The following PGAP2 variants were observed in gnomAD, a reference collection of about 807,000 sequenced individuals.
PGAP2 encodes the protein acyltransferase PGAP2.
A neutral mutation model predicts 33.2 loss-of-function variants in PGAP2; 21 were observed. The ratio of observed to expected loss-of-function variants is 0.63; its 90% confidence interval spans 0.45 to 0.91. The LOEUF is 0.91. Among genes scored for constraint, PGAP2 ranks in the 40% least tolerant of loss-of-function variants. The probability of loss-of-function intolerance (pLI) is 0.00; values close to 1 mark genes in which losing one functional copy is unlikely to be tolerated. For synonymous variants in PGAP2, 161 were observed against 172.9 expected, an observed-to-expected ratio of 0.93 and a Z score of 0.54; for missense variants, 345 against 424.0, an observed-to-expected ratio of 0.81 and a Z score of 1.64.
chr11:3,814,083 G>A (rs1217211475), intron 2 of PGAP2, among the ~76,000 whole-genome samples: 1 of 152,134 alleles, frequency 6.6e-6, no homozygotes, highest in Non-Finnish European at 1.5e-5. Flanking sequence ...CCCACTCAGA[G>A]TATCCCAGAA....
At chr11:3,808,411 C>G, upstream of PGAP2, 6 of 1,546,356 alleles carry the variant, frequency 3.9e-6, no homozygotes, top group Non-Finnish European at 5.2e-6. Context: ...GGGGGCAGAC[C>G]CGGGCTGTAA....
Position 3,825,723 on chromosome 11 carries a change from TA to T in PGAP2, c.*276del, listed in dbSNP as rs35179044. The stretch of plus-strand genomic sequence containing the variant: ...GGCAGAGAGCTCCACCATTTGGTGC[TA>T]AAAAAAAAAACGTCCTGAGGTTCAT... On this transcript the variant is annotated 3_prime_UTR_variant, in exon 7 of 7. Transcript: ENST00000278243. 1,567 of 207,004 alleles carry T rather than the reference TA, an allele frequency of 7.6e-3. No homozygotes were observed. The highest frequency in any genetic ancestry group is 0.016 in the South Asian group (221 of 13,408). 12.8% of individuals were successfully genotyped at this position (207,004 alleles called of 1,614,324 possible). A position where few individuals can be genotyped will look rare whatever the true frequency, so the allele number is the denominator to read the frequency against.
chr11:3,819,268 G>A (rs2087919691), intron 3 of PGAP2, among the ~76,000 whole-genome samples: 1 of 152,016 alleles, frequency 6.6e-6, no homozygotes, highest in Non-Finnish European at 1.5e-5. Flanking sequence ...TGTGTAGGCT[G>A]GAGATTTGTG....
intron 3 of PGAP2, among the ~76,000 whole-genome samples, chr11:3,822,141 G>T (rs1344562581): frequency 6.6e-6 from 1 of 152,068 alleles, no homozygotes; most frequent in Non-Finnish European, 1.5e-5. Flanking sequence ...GAGGTGGGCG[G>T]ATCACGAGGT....
At chr11:3,822,608 T>C (rs998059274) in intron 3 of PGAP2, among the ~76,000 whole-genome samples, 4 of 152,140 alleles carry the variant, frequency 2.6e-5, no homozygotes, top group African/African-American at 9.7e-5. Flanking sequence ...CACTCCAGCC[T>C]AGGCGACAGA....
rs371013671 is a variant in PGAP2 at position 3,812,061 on chromosome 11, C to T, written c.165+637C>T. On this transcript the variant is annotated intron_variant, in intron 2 of 6. Coordinates refer to ENST00000278243, the MANE Select transcript of PGAP2 (RefSeq NM_014489.4). ...TGTGTATGTGTCCTGGGGTGAGTCC[C>T]GTGGCCTCTAAGATTCCATAGATGT... Among the ~76,000 whole-genome samples the T allele has an allele frequency of 1.2e-4, 18 of 151,976 alleles. 2 individuals carry two copies. Among genetic ancestry groups the T allele is most frequent in the East Asian group, 7.8e-4 (4 of 5,146 alleles).
In PGAP2 at chr11:3,824,825, G is replaced by A. The variant is rs866375179; in HGVS notation, c.709-195G>A. Reference sequence around the variant, plus strand: ...AGCGGCAGGAATACCACTGCTCCTCGGCCCATCACTCCCCCAGAGGCAGGG... The same window carrying A: ...AGCGGCAGGAATACCACTGCTCCTCAGCCCATCACTCCCCCAGAGGCAGGG... On this transcript the variant is annotated intron_variant, in intron 5 of 6. Transcript: ENST00000278243. 4.5e-5 allele frequency: 64 copies of A among 1,435,656 alleles called. No homozygotes were observed. The African/African-American group carries it at 7.5e-4, about 17-fold the overall frequency. The allele number at this position is 1,435,656 out of a possible 1,614,324, so 88.9% of individuals were successfully genotyped here. A position where few individuals can be genotyped will look rare whatever the true frequency, so the allele number is the denominator to read the frequency against.
rs2089947645 is a variant in PGAP2, at chr11:3,825,876, A to G, written c.*418A>G. The stretch of plus-strand genomic sequence containing the variant: ...CGGGGGTCATTCATAGGACTAATGT[A>G]TTTCATGATCTACTGTGCACATCCA... On this transcript the variant is annotated 3_prime_UTR_variant, in exon 7 of 7. Transcript: ENST00000278243. 1.1e-5 allele frequency: 2 copies of G among 180,616 alleles called. No homozygotes were observed. Among genetic ancestry groups the G allele is most frequent in the South Asian group, 2.1e-4 (2 of 9,500 alleles). 11.2% of individuals were successfully genotyped at this position (180,616 alleles called of 1,614,324 possible).
At chr11:3,814,816 T>TTCTTTC (rs1565013308) in intron 2 of PGAP2, among the ~76,000 whole-genome samples, 232 of 117,782 alleles carry the variant, frequency 2.0e-3, no homozygotes, top group East Asian at 7.1e-3. Flanking sequence ...TTCTTTCTCT[T>TTCTTTC]TCTTTCTTTT....
At position 3,825,589 on chromosome 11, in the gene PGAP2, T is replaced by C; in HGVS notation, c.*131T>C. 9.8e-7 allele frequency: 1 copy of C among 1,015,846 alleles called. No homozygotes were observed. Among genetic ancestry groups the C allele is most frequent in the Non-Finnish European group, 1.4e-6 (1 of 699,108 alleles). The allele number at this position is 1,015,846 out of a possible 1,614,324, so 62.9% of individuals were successfully genotyped here. A position where few individuals can be genotyped will look rare whatever the true frequency, so the allele number is the denominator to read the frequency against. On this transcript the variant is annotated 3_prime_UTR_variant, in exon 7 of 7. Coordinates refer to ENST00000278243, the MANE Select transcript of PGAP2 (RefSeq NM_014489.4). Reference sequence around the variant, plus strand: ...ATGGGGGAAGGGTAAGAAGGAAGGGTGTAGGCCAAGGCTCACCCCAGTGCT... The same window carrying C: ...ATGGGGGAAGGGTAAGAAGGAAGGGCGTAGGCCAAGGCTCACCCCAGTGCT...
intron 2 of PGAP2, among the ~76,000 whole-genome samples, chr11:3,813,353 A>T (rs187683900): frequency 2.6e-5 from 4 of 151,828 alleles, no homozygotes; most frequent in Admixed American, 6.6e-5. Flanking sequence ...AGTAGTTAGG[A>T]CTACAGATGT....
chr11:3,798,107 C>A (rs1380435031), intron 1 of PGAP2: 5 of 1,486,296 alleles, frequency 3.4e-6, no homozygotes, highest in Non-Finnish European at 3.5e-6. Context: ...GAAGGTCTGT[C>A]TGTCCAAAGA....
chr11:3,814,815 T>G lies in PGAP2; in HGVS notation c.166-2538T>G, dbSNP rs576923417. On this transcript the variant is annotated intron_variant, in intron 2 of 6. Coordinates refer to ENST00000278243, the MANE Select transcript of PGAP2 (RefSeq NM_014489.4). ...TTCTTTCTTTCTTTCTTTCTTTCTC[T>G]TTCTTTCTTTTTTTCTTTTTTTCCT... 7.2e-3 allele frequency among the ~76,000 whole-genome samples: 877 copies of G among 121,398 alleles called. 13 individuals are homozygous for G. The highest frequency in any genetic ancestry group is 0.023 in the African/African-American group (828 of 35,654). The allele number at this position is 121,398 out of a possible 152,430, so 79.6% of individuals were successfully genotyped here. A position where few individuals can be genotyped will look rare whatever the true frequency, so the allele number is the denominator to read the frequency against.
At position 3,824,108 on chromosome 11, in the gene PGAP2, A is replaced by G; in HGVS notation, c.574A>G (p.Thr192Ala). 3.7e-6 allele frequency: 6 copies of G among 1,614,028 alleles called. No homozygotes were observed. The highest frequency in any genetic ancestry group is 5.1e-6 in the Non-Finnish European group (6 of 1,179,992). Residue 192 changes from threonine to alanine, a missense_variant, in exon 4 of 7, where the codon ACT becomes GCT. Thr to Ala is a moderately conservative substitution (Grantham distance 58). This residue lies in a region of PGAP2 where 311 missense variants were observed against 353.6 expected (regional missense o/e 0.88). Coordinates refer to ENST00000278243, the MANE Select transcript of PGAP2 (RefSeq NM_014489.4). ...GGAGAACCTCGCGTTGCTAGTGCTC[A>G]CTTATGTCTCCTCCTCCGAGGACTT... ...VVENLALLVLTYVSSSEDFTI... is the reference protein window; with the variant it reads ...VVENLALLVLAYVSSSEDFTI...
At chr11:3,799,974 A>G (rs1405549082) in intron 1 of PGAP2, among the ~76,000 whole-genome samples, 2 of 152,234 alleles carry the variant, frequency 1.3e-5, no homozygotes, top group Non-Finnish European at 2.9e-5. Context: ...ACTGGGGGAA[A>G]AAAAAGGTGG....
intron 1 of PGAP2, among the ~76,000 whole-genome samples, chr11:3,800,811 CAAA>C (rs1162584142): frequency 1.5e-5 from 1 of 67,094 alleles, no homozygotes; most frequent in Non-Finnish European, 2.9e-5. Flanking sequence ...GACTCCGTCT[CAAA>C]AAAAAAAAAA....
upstream of PGAP2, chr11:3,808,262 C>G (rs2084806724): frequency 1.3e-6 from 2 of 1,551,130 alleles, no homozygotes; most frequent in East Asian, 4.9e-5. Context: ...AAATCCGGCC[C>G]CTGTTGAATT....
intron 2 of PGAP2, among the ~76,000 whole-genome samples, chr11:3,814,206 G>C (rs141829183): frequency 1.3e-5 from 2 of 152,148 alleles, no homozygotes; most frequent in African/African-American, 2.4e-5. Context: ...TCCCCAGGTA[G>C]CCTGTTCTAA....
chr11:3,808,684 G>A (rs2084927517), intron 1 of PGAP2, 33 bp downstream of exon 1: 2 of 1,099,312 alleles, frequency 1.8e-6, no homozygotes, highest in South Asian at 2.9e-5. Flanking sequence ...TGGGCTGCCG[G>A]GCAGCCCCAC....
Sources: gnomAD v4.1 joint callset for allele counts (sites outside exome capture counted in the v4.1 genomes callset) on GRCh38, gnomAD v4.1.1 for gene constraint, gnomAD v4.1.1 regional missense constraint, MANE v1.5 for transcripts, NCBI Gene and HGNC (gene_info 2026-07-23, HGNC 2026-07-21) for gene names.